The following SMTN variants were observed in gnomAD, a reference collection of about 807,000 sequenced individuals.
SMTN encodes smoothelin.
Under a neutral mutation model 102.0 loss-of-function variants are expected in SMTN, and 58 were observed. That is an observed-to-expected ratio of 0.57 (90% CI 0.46 to 0.71). The LOEUF is 0.71. Among genes scored for constraint, SMTN ranks in the 30% least tolerant of loss-of-function variants. The probability of loss-of-function intolerance (pLI) is 0.00; values close to 1 mark genes in which losing one functional copy is unlikely to be tolerated. For missense variants in SMTN, 1,185 were observed against 1,241.7 expected (o/e 0.95, Z 0.69); for synonymous variants, 478 against 497.9 (o/e 0.96, Z 0.53).
intron 1 of SMTN, among the ~76,000 whole-genome samples, chr22:31,069,681 G>A (rs1175435269): frequency 2.0e-5 from 3 of 152,274 alleles, no homozygotes; most frequent in African/African-American, 7.2e-5. Context: ...TAAGAGGAAC[G>A]AACTCACGGC....
At chr22:31,075,115 C>A (rs1216508111) in intron 1 of SMTN, among the ~76,000 whole-genome samples, 1 of 152,126 alleles carries the variant, frequency 6.6e-6, no homozygotes, top group Non-Finnish European at 1.5e-5. Context: ...AAGCTAAGGT[C>A]TTAGCCTCTC....
At chr22:31,069,320 G>A (rs1188541191) in intron 1 of SMTN, among the ~76,000 whole-genome samples, 1 of 152,080 alleles carries the variant, frequency 6.6e-6, no homozygotes, top group African/African-American at 2.4e-5. Flanking sequence ...CGCCCCGCTG[G>A]GGACTAGAGC....
intron 19 of SMTN, among the ~76,000 whole-genome samples, chr22:31,100,646 A>C (rs1178965717): frequency 1.3e-5 from 2 of 152,012 alleles, no homozygotes; most frequent in African/African-American, 2.4e-5. Context: ...TCTGCATTGC[A>C]CACCATTAGT....
At chr22:31,083,128 C>T in intron 1 of SMTN, 51 bp from the exon 2 acceptor site, 1 of 1,551,602 alleles carries the variant, frequency 6.4e-7, no homozygotes. Flanking sequence ...GCCTAAGTGC[C>T]TGTGGTTTCT....
chr22:31,090,756 C>T, intron 8 of SMTN, 52 bp from the exon 9 acceptor site: 1 of 1,392,790 alleles, frequency 7.2e-7, no homozygotes, highest in Non-Finnish European at 1.0e-6. Flanking sequence ...CCCACTATCC[C>T]CTGTCTTTTC....
intron 5 of SMTN, 47 bp from the exon 6 acceptor site, chr22:31,088,825 A>G: frequency 1.4e-5 from 22 of 1,611,184 alleles, no homozygotes; most frequent in Non-Finnish European, 1.9e-5. Flanking sequence ...TCTGCTGTCC[A>G]CAGCACCTCC....
Position 31,091,377 on chromosome 22 carries a change from G to A in SMTN, c.1354G>A (p.Glu452Lys), listed in dbSNP as rs770536344. 18 of 1,601,628 alleles carry A rather than the reference G, an allele frequency of 1.1e-5. No homozygotes were observed. In the East Asian group the frequency reaches 2.0e-4, roughly 18 times the overall value. ...GCTGCCCGTGGCCGTCGGCACTGCC[G>A]AGCCAGGGGGCAGTATGAAGACCAC... ...APLPVAVGTA[E>K]PGGSMKTTFT... Residue 452 changes from glutamate (E) to lysine (K), a missense_variant, in exon 10 of 21, where the codon GAG becomes AAG. By Grantham distance (56) the Glu-to-Lys change is moderately conservative. Transcript: ENST00000333137.
At chr22:31,076,473 C>A (rs1487816163), upstream of SMTN, among the ~76,000 whole-genome samples, 3 of 152,238 alleles carry the variant, frequency 2.0e-5, no homozygotes, top group Admixed American at 6.5e-5. Flanking sequence ...CAAATGACTT[C>A]CCCTCTCTGA....
chr22:31,088,765 C>T lies in SMTN; in HGVS notation c.361C>T (p.Gln121Ter), dbSNP rs2042898631. 1.2e-6 allele frequency: 2 copies of T among 1,612,720 alleles called. No homozygotes were observed. Among genetic ancestry groups the T allele is most frequent in the African/African-American group, 1.3e-5 (1 of 74,910 alleles). ...AGCTGCCATCCGCCGTGTACGGGCT[C>T]AGGAGATTGAGGGTATGTGGCCTGT... Reference protein sequence around the residue: ...IRAAIRRVRAQEIEAATLAGR... With the variant: ...IRAAIRRVRA The change falls in exon 5 of 21, where the codon CAG becomes TAG. Residue 121 changes from glutamine to a stop codon, truncating the protein, a stop_gained. Coordinates refer to ENST00000333137, the MANE Select transcript of SMTN (RefSeq NM_134269.3). LOFTEE classifies it high-confidence loss of function.
intron 6 of SMTN, among the ~76,000 whole-genome samples, chr22:31,089,496 T>C (rs549776302): frequency 6.6e-6 from 1 of 152,322 alleles, no homozygotes; most frequent in Admixed American, 6.5e-5. Flanking sequence ...GGCTAGGTAG[T>C]GCCAAGAGAT....
Position 31,099,822 on chromosome 22 carries a change from T to C in SMTN, c.2529T>C (p.Pro843=), listed in dbSNP as rs770319920. 5.0e-6 allele frequency: 8 copies of C among 1,613,994 alleles called. No homozygotes were observed. The African/African-American group carries it at 1.1e-4, about 22-fold the overall frequency. Residue 843 remains proline (P), a synonymous_variant, in exon 19 of 21, where the codon CCT becomes CCC. Coordinates refer to ENST00000333137, the MANE Select transcript of SMTN (RefSeq NM_134269.3). ...GTGCCCTGGTGCACAACTTCTTCCC[T>C]GAGGCCTTCGACTATGGGCAGCTTA... The part of the protein sequence containing the change: ...AFCALVHNFF[P]EAFDYGQLSP...
chr22:31,065,765 C>G (rs887154822), intron 1 of SMTN: 2 of 151,842 alleles, frequency 1.3e-5, no homozygotes, highest in African/African-American at 4.8e-5. Flanking sequence ...AGAAAAAGCA[C>G]TGATCTAAGA....
At position 31,098,659 on chromosome 22, in the gene SMTN, A is replaced by C. The variant is rs1602670054; in HGVS notation, c.2160-8A>C. ...TCCCTGCCTAACATGCGCCTCCCCAACCCCTAGCATCTTCGACCGCGAGGA... is the reference window on the plus strand; with the variant it reads ...TCCCTGCCTAACATGCGCCTCCCCACCCCCTAGCATCTTCGACCGCGAGGA... On this transcript the variant is annotated splice_polypyrimidine_tract_variant and splice_region_variant and intron_variant, in intron 16 of 20. Transcript: ENST00000333137. 6.2e-7 allele frequency: 1 copy of C among 1,612,364 alleles called. No homozygotes were observed. Among genetic ancestry groups the C allele is most frequent in the South Asian group, 1.1e-5 (1 of 90,966 alleles).
rs780138096 is a variant in SMTN, at chr22:31,096,863, C to T, written c.1992C>T (p.Ser664=). The change falls in exon 14 of 21, where the codon AGC becomes AGT. Residue 664 remains serine, a synonymous_variant. Transcript: ENST00000333137. ...GGGCAGCTGATGGCTCTGCTGTCAG[C>T]ACTGTTACCAAGACTGAGCGGCTCG... ...SQRAADGSAV[S]TVTKTERLVH... 5 of 1,580,554 alleles carry T rather than the reference C, an allele frequency of 3.2e-6. No individual in the cohort carries two copies. The highest frequency in any genetic ancestry group is 3.4e-6 in the Non-Finnish European group (4 of 1,160,596).
rs202122017 is a variant in SMTN at position 31,066,316 on chromosome 22, A to AT, written c.-386+2133dup. ...CCCATAGAATATTTTATTTTATTTT[A>AT]TTTTATTTTTGAGACAGAGTCTCGC... On this transcript the variant is annotated intron_variant, in intron 1 of 3. Transcript: ENST00000422839. 0.02 allele frequency: 2,969 copies of AT among 150,916 alleles called. 270 individuals are homozygous for AT. The East Asian group carries it at 0.32, about 16-fold the overall frequency. 9.3% of individuals were successfully genotyped at this position (150,916 alleles called of 1,614,324 possible).
rs771320768 is a variant in SMTN, at chr22:31,100,869, C to T, written c.2604-16C>T. 5.2e-6 allele frequency: 8 copies of T among 1,529,862 alleles called. No homozygotes were observed. The highest frequency in any genetic ancestry group is 7.1e-6 in the Non-Finnish European group (8 of 1,126,478). The allele number at this position is 1,529,862 out of a possible 1,614,324, so 94.8% of individuals were successfully genotyped here. A position where few individuals can be genotyped will look rare whatever the true frequency, so the allele number is the denominator to read the frequency against. On this transcript the variant is annotated splice_polypyrimidine_tract_variant and intron_variant, in intron 19 of 20. Transcript: ENST00000333137. The stretch of plus-strand genomic sequence containing the variant: ...CCCCCGTCCCCCACCCCTTCCCGGC[C>T]CCCTACCCTCCCCAGGACCCATGCG...
At chr22:31,096,647 G>A (rs1390688917) in intron 13 of SMTN, 86 bp from the exon 14 acceptor site, 12 of 1,408,502 alleles carry the variant, frequency 8.5e-6, no homozygotes, top group African/African-American at 4.3e-5. Flanking sequence ...CCTCCACCCC[G>A]TCTTGTGTGC....
chr22:31,082,656 C>T (rs917142177), intron 1 of SMTN: 2 of 616,708 alleles, frequency 3.2e-6, no homozygotes, highest in Admixed American at 4.8e-5. Context: ...GAGCTGGCTC[C>T]AAGAATCGGA....
intron 1 of SMTN, among the ~76,000 whole-genome samples, chr22:31,072,980 G>T (rs2147485401): frequency 6.7e-6 from 1 of 148,206 alleles, no homozygotes; most frequent in Non-Finnish European, 1.5e-5. Flanking sequence ...CTAACACATG[G>T]TAGGTGCTGA....
Sources: allele counts gnomAD v4.1 joint callset (sites outside exome capture counted in the v4.1 genomes callset), GRCh38; gene constraint gnomAD v4.1.1; transcripts MANE v1.5; gene names NCBI Gene and HGNC (gene_info 2026-07-23, HGNC 2026-07-21).